Variants in FARP2 observed in about 807,000 individuals in gnomAD.
FARP2 encodes the protein FERM, ARHGEF and pleckstrin domain-containing protein 2.
In FARP2, 111 loss-of-function variants were observed where a neutral mutation model predicts 130.5. The ratio of observed to expected loss-of-function variants is 0.85; its 90% CI spans 0.73 to 1.00. FARP2 has a LOEUF of 1.00. FARP2 is among the 50% of genes least tolerant of loss of function. The probability of loss-of-function intolerance (pLI) is 0.00; values close to 1 mark genes in which losing one functional copy is unlikely to be tolerated. For missense variants in FARP2, 1,385 were observed against 1,346.3 expected (o/e 1.03, Z -0.45); for synonymous variants, 504 against 516.9 (o/e 0.98, Z 0.34).
At chr2:241,411,735 C>G (rs2062523679) in intron 6 of FARP2, among the ~76,000 whole-genome samples, 1 of 152,160 alleles carries the variant, frequency 6.6e-6, no homozygotes, top group South Asian at 2.1e-4. Context: ...ACAGCTAGCA[C>G]AGAACTAATG....
In FARP2 at chr2:241,475,877, G is replaced by A. The variant is rs778093746; in HGVS notation, c.2152G>A (p.Glu718Lys). The A allele has an allele frequency of 6.2e-7, 1 of 1,613,684 alleles. No homozygotes were observed. Among genetic ancestry groups the A allele is most frequent in the Non-Finnish European group, 8.5e-7 (1 of 1,179,782 alleles). Residue 718 changes from glutamate (E) to lysine (K), a missense_variant, in exon 19 of 27, where the codon GAG (glutamate) becomes AAG (lysine). Coordinates refer to ENST00000264042, the MANE Select transcript of FARP2 (RefSeq NM_014808.4). The surrounding 1 kb of genome is among the most constrained non-coding windows in gnomAD (Gnocchi z 4.4). ...CACAGACGCCCTGAAAGCCATCACA[G>A]AGGTGACCACCACACTACAGCACAT... ...DCHDALKAIT[E>K]VTTTLQHILI...
chr2:241,441,312 A>T lies in FARP2; in HGVS notation c.1167A>T (p.Ser389=), dbSNP rs1297963637. The T allele has an allele frequency of 6.3e-7, 1 of 1,581,280 alleles. No individual in the cohort carries two copies. Among genetic ancestry groups the T allele is most frequent in the African/African-American group, 1.4e-5 (1 of 73,508 alleles). The part of the protein sequence containing the change: ...LTADLPKQSI[S]FPEGLRTPAS... ...TTAACTTTGGTTCCCAGAGCATCTC[A>T]TTCCCCGAGGGATTGAGGACTCCTG... is the stretch of plus-strand genomic sequence containing the variant. Residue 389 remains serine (S), a synonymous_variant, in exon 13 of 27, where the codon TCA becomes TCT. Coordinates refer to ENST00000264042, the MANE Select transcript of FARP2 (RefSeq NM_014808.4).
In FARP2 at chr2:241,368,835, T is replaced by G. The variant is rs192027551; in HGVS notation, c.-24-4249T>G. 4.5e-4 allele frequency among the ~76,000 whole-genome samples: 69 copies of G among 152,300 alleles called. 1 individual carries two copies. The highest frequency in any genetic ancestry group is 1.6e-3 in the African/African-American group (66 of 41,516). On this transcript the variant is annotated intron_variant, in intron 1 of 26. Coordinates refer to ENST00000264042, the MANE Select transcript of FARP2 (RefSeq NM_014808.4). The stretch of plus-strand genomic sequence containing the variant: ...AAACTTAAAGTCTTAAACTTAAGTC[T>G]TAGTCTTAAATTTAGTGTTAAAGTC...
At chr2:241,489,495 G>A (rs7607425) in intron 21 of FARP2, 52,753 of 153,234 alleles carry the variant, frequency 0.34, 9,508 homozygotes, top group Admixed American at 0.51. Context: ...TTACTTGATC[G>A]TGGGACAATT....
At chr2:241,387,590 G>A (rs1477860845) in intron 2 of FARP2, among the ~76,000 whole-genome samples, 3 of 151,940 alleles carry the variant, frequency 2.0e-5, no homozygotes, top group African/African-American at 7.3e-5. Context: ...TCAGGAGATC[G>A]AGACCATCCT....
At position 241,493,440 on chromosome 2, in the gene FARP2, GA is replaced by G; in HGVS notation, c.3046del (p.Arg1016GlyfsTer5). The G allele has an allele frequency of 6.2e-7, 1 of 1,613,810 alleles. No homozygotes were observed. Among genetic ancestry groups the G allele is most frequent in the Non-Finnish European group, 8.5e-7 (1 of 1,179,964 alleles). On this transcript the variant is annotated frameshift_variant, in exon 26 of 27. Transcript: ENST00000264042. LOFTEE classifies it low-confidence loss of function (END_TRUNC). Reference protein sequence around the residue: ...FFRAESKYTFERWMEVIQGAS... With the variant: ...FFRAESKYTFXRWMEVIQGAS... ...CCGGGCTGAGAGCAAGTACACATTT[GA>G]AAGGTAATTTTGCAGGAGGCAGCCC...
chr2:241,446,767 T>A lies in FARP2; in HGVS notation c.1411+5211T>A, dbSNP rs890237502. 4.1e-4 allele frequency: 63 copies of A among 152,262 alleles called. 4 individuals carry two copies. Among genetic ancestry groups the A allele is most frequent in the Non-Finnish European group, 1.5e-5 (1 of 68,050 alleles). The allele number at this position is 152,262 out of a possible 1,614,324, so 9.4% of individuals were successfully genotyped here. On this transcript the variant is annotated intron_variant, in intron 13 of 26. Transcript: ENST00000264042. ...GTTCTCAAGTCCACAGAATCGTATC[T>A]GCTGTGGTCTCCCTTTGGTGCTCAT...
At position 241,391,471 on chromosome 2, in the gene FARP2, G is replaced by C. The variant is rs1010975387; in HGVS notation, c.184-12357G>C. On this transcript the variant is annotated intron_variant, in intron 2 of 26. Coordinates refer to ENST00000264042, the MANE Select transcript of FARP2 (RefSeq NM_014808.4). ...AATGGGCGAGTGTTCTACATCACCTGCTTTTGTGCTCAGATGGCAATCCCC... is the reference window on the plus strand; with the variant it reads ...AATGGGCGAGTGTTCTACATCACCTCCTTTTGTGCTCAGATGGCAATCCCC... Among the ~76,000 whole-genome samples, 40 of 152,148 alleles carry C rather than the reference G, an allele frequency of 2.6e-4. 1 individual carries two copies. The highest frequency in any genetic ancestry group is 4.4e-5 in the Non-Finnish European group (3 of 68,030).
At chr2:241,439,917 A>G in intron 12 of FARP2, among the ~76,000 whole-genome samples, 1 of 152,180 alleles carries the variant, frequency 6.6e-6, no homozygotes, top group East Asian at 1.9e-4. Flanking sequence ...GAGATGGCAC[A>G]TTGCACTCCA....
rs895329188 is a variant in FARP2, at chr2:241,492,693, T to C, written c.2788-236T>C. Reference sequence around the variant, plus strand: ...GGTTGGTTACTGAACACTGACTTTATTGTGCACAGGGAAAGGGAACTCACT... The same window carrying C: ...GGTTGGTTACTGAACACTGACTTTACTGTGCACAGGGAAAGGGAACTCACT... On this transcript the variant is annotated intron_variant, in intron 24 of 26. Coordinates refer to ENST00000264042, the MANE Select transcript of FARP2 (RefSeq NM_014808.4). 9 of 480,886 alleles carry C rather than the reference T, an allele frequency of 1.9e-5. No homozygotes were observed. The Middle Eastern group carries it at 1.7e-3, about 90-fold the overall frequency. 29.8% of individuals were successfully genotyped at this position (480,886 alleles called of 1,614,324 possible).
chr2:241,414,206 CTT>C (rs2062604548), intron 7 of FARP2, among the ~76,000 whole-genome samples: 1 of 152,170 alleles, frequency 6.6e-6, no homozygotes, highest in Admixed American at 6.6e-5. Context: ...TTCTCTAAGA[CTT>C]GACACTGGTG....
At chr2:241,434,905 T>C (rs1160549741) in intron 10 of FARP2, 57 bp from the exon 11 acceptor site, 5 of 1,045,232 alleles carry the variant, frequency 4.8e-6, no homozygotes, top group East Asian at 2.4e-5. Context: ...TCTTTTACTC[T>C]GAAAAATTAA....
chr2:241,436,598 T>C, intron 12 of FARP2, 60 bp downstream of exon 12: 2 of 1,306,958 alleles, frequency 1.5e-6, no homozygotes, highest in Non-Finnish European at 2.2e-6. Flanking sequence ...TTTTGGAAAA[T>C]AGTCTGTCAG....
chr2:241,383,123 C>A (rs574364476), intron 2 of FARP2, among the ~76,000 whole-genome samples: 54 of 152,304 alleles, frequency 3.5e-4, no homozygotes, highest in African/African-American at 1.3e-3. Context: ...TAGGCCAGCA[C>A]GTGTTTGGCA....
At chr2:241,456,515 C>T (rs1004147197) in intron 13 of FARP2, 3 of 502,114 alleles carry the variant, frequency 6.0e-6, no homozygotes, top group Non-Finnish European at 7.1e-6. Context: ...AGGATCCACA[C>T]TGTCTGTGGA....
At chr2:241,442,071 G>A (rs1368230441) in intron 13 of FARP2, 12 of 370,726 alleles carry the variant, frequency 3.2e-5, no homozygotes, top group South Asian at 7.9e-5. Flanking sequence ...CAGACACCTC[G>A]GAGCTATTTG....
intron 2 of FARP2, among the ~76,000 whole-genome samples, chr2:241,382,797 T>C (rs2061692399): frequency 6.6e-6 from 1 of 152,230 alleles, no homozygotes; most frequent in Admixed American, 6.5e-5. Context: ...TTACAATTTT[T>C]AGTAACATCT....
chr2:241,413,913 G>T (rs906659606), intron 7 of FARP2, among the ~76,000 whole-genome samples: 2 of 150,796 alleles, frequency 1.3e-5, no homozygotes, highest in African/African-American at 4.9e-5. Context: ...CTACACTCCA[G>T]CCTGGCACCA....
In FARP2 at chr2:241,486,061, C is replaced by G. The variant is rs574139858; in HGVS notation, c.2421+1730C>G. Among the ~76,000 whole-genome samples the G allele has an allele frequency of 2.0e-5, 3 of 152,314 alleles. No individual in the cohort carries two copies. In the South Asian group the frequency reaches 6.2e-4, roughly 32 times the overall value. ...CAGTTTGAATTAGCTCATCTGCCACCACCGGAAGCAGACCCCATTTGTTTT... is the reference window on the plus strand; with the variant it reads ...CAGTTTGAATTAGCTCATCTGCCACGACCGGAAGCAGACCCCATTTGTTTT... On this transcript the variant is annotated intron_variant, in intron 21 of 26. Transcript: ENST00000264042.
Sources: allele counts gnomAD v4.1 joint callset (sites outside exome capture counted in the v4.1 genomes callset), GRCh38; gene constraint gnomAD v4.1.1; non-coding constraint Gnocchi (gnomAD v3.1); transcripts MANE v1.5; gene names NCBI Gene and HGNC (gene_info 2026-07-23, HGNC 2026-07-21).